Variants in NCOA7 observed in about 807,000 individuals in gnomAD.
NCOA7 encodes the protein 140 kDa estrogen receptor-associated protein.
NCOA7 carries 45 observed loss-of-function variants against 104.3 expected under a neutral mutation model. The ratio of observed to expected loss-of-function variants is 0.43; its 90% CI spans 0.34 to 0.55. The LOEUF is 0.55. Among genes scored for constraint, NCOA7 ranks in the 20% least tolerant of loss-of-function variants. NCOA7 has a pLI of 0.02. For missense variants in NCOA7, 1,041 were observed against 1,119.7 expected (o/e 0.93, Z 1.00); for synonymous variants, 398 against 402.3 (o/e 0.99, Z 0.13).
chr6:125,860,868 ATATAT>A (rs1328072762), intron 3 of NCOA7, among the ~76,000 whole-genome samples: 1 of 152,186 alleles, frequency 6.6e-6, no homozygotes, highest in East Asian at 1.9e-4. Flanking sequence ...TTGGGATAAA[ATATAT>A]TATTATGATT....
At chr6:125,840,916 A>T (rs1293151039) in intron 2 of NCOA7, among the ~76,000 whole-genome samples, 2 of 50,618 alleles carry the variant, frequency 4.0e-5, no homozygotes, top group East Asian at 5.9e-4. Flanking sequence ...TTTTTGAGAC[A>T]GAGTCTCAAT....
intron 9 of NCOA7, 24 bp downstream of exon 9, chr6:125,890,005 T>G: frequency 2.0e-6 from 3 of 1,468,302 alleles, no homozygotes; most frequent in Non-Finnish European, 2.7e-6. Flanking sequence ...CTTTAATGCC[T>G]TTATATTCTG....
chr6:125,863,183 A>T (rs1314771182), intron 3 of NCOA7, among the ~76,000 whole-genome samples: 2 of 138,586 alleles, frequency 1.4e-5, no homozygotes, highest in East Asian at 4.2e-4. Context: ...AAGTAGCTGT[A>T]AAACAAACAC....
intron 10 of NCOA7, among the ~76,000 whole-genome samples, chr6:125,911,503 T>G (rs1786550061): frequency 6.6e-6 from 1 of 152,256 alleles, no homozygotes; most frequent in African/African-American, 2.4e-5. Context: ...TCATTTTTCT[T>G]AGCCCTTATT....
chr6:125,896,968 C>T (rs1785070828), intron 10 of NCOA7, among the ~76,000 whole-genome samples: 1 of 152,202 alleles, frequency 6.6e-6, no homozygotes, highest in African/African-American at 2.4e-5. Context: ...TTAGGATAAA[C>T]TCATTATGTA....
rs117438925 is a variant in NCOA7, at chr6:125,906,170, G to A, written c.2097-9163G>A. 3.1e-3 allele frequency among the ~76,000 whole-genome samples: 467 copies of A among 152,256 alleles called. 1 individual carries two copies. Among genetic ancestry groups the A allele is most frequent in the Non-Finnish European group, 5.0e-3 (341 of 68,012 alleles). On this transcript the variant is annotated intron_variant, in intron 10 of 15. Transcript: ENST00000392477. ...GGAAATAATAGAGGAAATTCACCAG[G>A]GAGTGGGACCCTTAAAAGTACAGAG...
At chr6:125,919,075 A>G (rs781550665) in intron 11 of NCOA7, 34 of 446,052 alleles carry the variant, frequency 7.6e-5, no homozygotes, top group Admixed American at 2.0e-4. Flanking sequence ...GGGTTTTATC[A>G]TAGTGTTGGG....
At position 125,855,155 on chromosome 6, in the gene NCOA7, A is replaced by G; in HGVS notation, c.186A>G (p.Glu62=). 1 of 1,613,456 alleles carries G rather than the reference A, an allele frequency of 6.2e-7. No individual in the cohort carries two copies. Among genetic ancestry groups the G allele is most frequent in the Non-Finnish European group, 8.5e-7 (1 of 1,179,932 alleles). ...PDKCNIAVEE[E]YMTDEKKKRK... ...AGTGCAACATTGCTGTGGAAGAGGAATATATGACTGATGAGAAAAAAAAGA... is the reference window on the plus strand; with the variant it reads ...AGTGCAACATTGCTGTGGAAGAGGAGTATATGACTGATGAGAAAAAAAAGA... Residue 62 remains glutamate (E), a synonymous_variant, in exon 3 of 16, where the codon GAA becomes GAG. Coordinates refer to ENST00000392477, the MANE Select transcript of NCOA7 (RefSeq NM_181782.5).
chr6:125,922,649 C>A, intron 12 of NCOA7, 33 bp from the exon 13 acceptor site: 1 of 1,595,670 alleles, frequency 6.3e-7, no homozygotes, highest in Non-Finnish European at 8.5e-7. Flanking sequence ...GTGGGTGAAC[C>A]TTCTGTTTAC....
intron 2 of NCOA7, among the ~76,000 whole-genome samples, chr6:125,828,961 T>G (rs919039753): frequency 6.6e-6 from 1 of 152,196 alleles, no homozygotes; most frequent in Non-Finnish European, 1.5e-5. Flanking sequence ...TTCCTACTTG[T>G]ATCTAATTCC....
intron 2 of NCOA7, among the ~76,000 whole-genome samples, chr6:125,823,688 ATAGT>A (rs1778401275): frequency 6.6e-6 from 1 of 152,232 alleles, no homozygotes; most frequent in African/African-American, 2.4e-5. Flanking sequence ...TTAGCCATTA[ATAGT>A]TAGACTCATG....
chr6:125,890,910 A>G, intron 10 of NCOA7, 100 bp downstream of exon 10: 1 of 1,131,410 alleles, frequency 8.8e-7, no homozygotes, highest in Non-Finnish European at 1.2e-6. Context: ...CTTGAATAAG[A>G]GCTTTATCTG....
At chr6:125,873,514 A>G (rs1052448391) in intron 3 of NCOA7, among the ~76,000 whole-genome samples, 16 of 152,168 alleles carry the variant, frequency 1.1e-4, no homozygotes, top group African/African-American at 3.6e-4. Context: ...AATTGCTGGA[A>G]TCTAATTGCT....
intron 12 of NCOA7, among the ~76,000 whole-genome samples, chr6:125,921,471 A>C (rs745444535): frequency 2.6e-5 from 4 of 151,950 alleles, no homozygotes; most frequent in Admixed American, 6.6e-5. Context: ...CTGAAGGATG[A>C]GGCTTGTGAG....
At chr6:125,827,210 A>C (rs911861139) in intron 2 of NCOA7, among the ~76,000 whole-genome samples, 1 of 134,434 alleles carries the variant, frequency 7.4e-6, no homozygotes, top group Non-Finnish European at 1.7e-5. Flanking sequence ...AAAAAAAAAA[A>C]AAAAAAGTGA....
At chr6:125,895,638 G>C (rs1784943015) in intron 10 of NCOA7, among the ~76,000 whole-genome samples, 1 of 152,192 alleles carries the variant, frequency 6.6e-6, no homozygotes, top group Admixed American at 6.5e-5. Flanking sequence ...TGTGCAGGAA[G>C]CATAGTGCTG....
chr6:125,827,214 AAAGTG>A (rs1179820850), intron 2 of NCOA7, among the ~76,000 whole-genome samples: 1 of 143,984 alleles, frequency 6.9e-6, no homozygotes, highest in African/African-American at 2.5e-5. Flanking sequence ...AAAAAAAAAA[AAAGTG>A]AGAGTGAGCA....
chr6:125,892,518 AAAATAAT>A (rs765803316), intron 10 of NCOA7, among the ~76,000 whole-genome samples: 4 of 152,156 alleles, frequency 2.6e-5, no homozygotes, highest in Non-Finnish European at 5.9e-5. Flanking sequence ...TAAAAACACA[AAAATAAT>A]TAGCCAGGCG....
In NCOA7 at chr6:125,889,589, A is replaced by G; in HGVS notation, c.1535A>G (p.Asn512Ser). 2 of 1,613,940 alleles carry G rather than the reference A, an allele frequency of 1.2e-6. No individual in the cohort carries two copies. The highest frequency in any genetic ancestry group is 1.7e-6 in the Non-Finnish European group (2 of 1,179,978). ...GAAAGCCGAGTAGAAAACACACTGA[A>G]CATACATGAAGATTTAGATAAAGTT... ...SPESRVENTL[N>S]IHEDLDKVKL... The change falls in exon 9 of 16, where the codon AAC (asparagine) becomes AGC (serine). Residue 512 changes from asparagine (N) to serine (S), a missense_variant. Physicochemically the swap from Asn to Ser is conservative, Grantham distance 46 (BLOSUM62 1). Around this residue, in one of 2 missense-constraint regions of NCOA7, gnomAD observed 914 missense variants for 942.7 expected, o/e 0.97. Transcript: ENST00000392477.
Sources: allele counts gnomAD v4.1 joint callset (sites outside exome capture counted in the v4.1 genomes callset), GRCh38; gene constraint gnomAD v4.1.1; regional missense constraint gnomAD v4.1.1; transcripts MANE v1.5; gene names NCBI Gene and HGNC (gene_info 2026-07-23, HGNC 2026-07-21).